The following TBCD variants were observed in gnomAD, a reference collection of about 807,000 sequenced individuals.
The protein encoded by TBCD is tubulin folding cofactor D.
A neutral mutation model predicts 169.3 loss-of-function variants in TBCD; 105 were observed. The observed-to-expected ratio is 0.62, with a 90% CI of 0.53 to 0.73. The LOEUF (loss-of-function observed/expected upper bound fraction) is 0.73. Ranked by LOEUF, TBCD falls within the 30% of genes least tolerant of loss-of-function variation. The pLI, the probability that TBCD is intolerant of heterozygous loss-of-function variation, is 0.00. For missense variants in TBCD, 1,444 were observed against 1,600.1 expected (o/e 0.90, Z 1.66); for synonymous variants, 700 against 643.9 (o/e 1.09, Z -1.32).
chr17:82,778,285 T>A (rs2048727358), intron 6 of TBCD, among the ~76,000 whole-genome samples: 1 of 152,218 alleles, frequency 6.6e-6, no homozygotes. Flanking sequence ...GCCCACAGTA[T>A]TCCGCTTTTC....
chr17:82,778,488 T>C (rs1413566742), intron 6 of TBCD, among the ~76,000 whole-genome samples: 2 of 152,210 alleles, frequency 1.3e-5, no homozygotes, highest in Non-Finnish European at 2.9e-5. Context: ...AGACAGGGTC[T>C]CACTCTGTTG....
chr17:82,801,893 T>A (rs1470739787), intron 9 of TBCD, among the ~76,000 whole-genome samples: 2 of 121,916 alleles, frequency 1.6e-5, no homozygotes, highest in East Asian at 2.4e-4. Flanking sequence ...TGGTTCGGAG[T>A]CAGCGTGGCA....
At chr17:82,904,837 G>C (rs1019294381) in intron 19 of TBCD, among the ~76,000 whole-genome samples, 3 of 152,160 alleles carry the variant, frequency 2.0e-5, no homozygotes, top group African/African-American at 2.4e-5. Context: ...CTACTTTTCA[G>C]TGATAATTAA....
At chr17:82,932,283 C>A (rs1365152746) in intron 33 of TBCD, 1 of 381,846 alleles carries the variant, frequency 2.6e-6, no homozygotes, top group Non-Finnish European at 4.9e-6. Context: ...GGCACAGGCA[C>A]CTTGACGCCC....
In TBCD at chr17:82,903,110, A is replaced by G. The variant is rs1310226287; in HGVS notation, c.1731-295A>G. Among the ~76,000 whole-genome samples the G allele has an allele frequency of 6.6e-6, 1 of 152,058 alleles. No homozygotes were observed. Among genetic ancestry groups the G allele is most frequent in the Non-Finnish European group, 1.5e-5 (1 of 68,010 alleles). On this transcript the variant is annotated intron_variant, in intron 18 of 38. Coordinates refer to ENST00000355528, the MANE Select transcript of TBCD (RefSeq NM_005993.5). This position sits in a 1 kb window ranked among gnomAD's most constrained non-coding sequence, Gnocchi z 4.8. ...CTCTATCTCACACTCACAACCTCAG[A>G]GTAGCGTGGGGGTGGGGAGGCCGGA...
intron 14 of TBCD, among the ~76,000 whole-genome samples, chr17:82,877,674 A>C (rs1002436539): frequency 3.3e-5 from 5 of 152,238 alleles, no homozygotes; most frequent in African/African-American, 1.2e-4. Flanking sequence ...AGAAGATCAC[A>C]TTCATATGTC....
At chr17:82,934,682 G>C (rs912869913) in intron 34 of TBCD, among the ~76,000 whole-genome samples, 2 of 152,038 alleles carry the variant, frequency 1.3e-5, no homozygotes, top group African/African-American at 4.8e-5. Flanking sequence ...ATGTTGGTCA[G>C]GCTGGTCTCG....
intron 14 of TBCD, among the ~76,000 whole-genome samples, chr17:82,870,687 C>G (rs1268682138): frequency 6.6e-6 from 1 of 152,182 alleles, no homozygotes; most frequent in Admixed American, 6.5e-5. Context: ...TCTTGGTCAC[C>G]CTGCAGGCAG....
chr17:82,871,475 C>A (rs1043051437), intron 14 of TBCD, among the ~76,000 whole-genome samples: 2 of 152,244 alleles, frequency 1.3e-5, no homozygotes, highest in Non-Finnish European at 2.9e-5. Flanking sequence ...CTTCACCTGA[C>A]AACTTTTACT....
chr17:82,849,977 TGTTGGCTGTGCTGC>T lies in TBCD; in HGVS notation c.1319-20246_1319-20233del, dbSNP rs1396098982. The stretch of plus-strand genomic sequence containing the variant: ...CCTGTGCTGCTGTTGGCTGTGCTGC[TGTTGGCTGTGCTGC>T]TGTTGGCTGTGCTGCTGTTGGCTGT... On this transcript the variant is annotated intron_variant, in intron 13 of 38. Coordinates refer to ENST00000355528, the MANE Select transcript of TBCD (RefSeq NM_005993.5). 7.6e-4 allele frequency among the ~76,000 whole-genome samples: 114 copies of T among 150,112 alleles called. 6 individuals carry two copies. Among genetic ancestry groups the T allele is most frequent in the African/African-American group, 2.6e-3 (105 of 40,520 alleles).
intron 26 of TBCD, among the ~76,000 whole-genome samples, chr17:82,924,551 C>T (rs972148462): frequency 1.3e-5 from 2 of 152,186 alleles, no homozygotes; most frequent in African/African-American, 2.4e-5. Flanking sequence ...TATGATAGAA[C>T]ATGCATTATT....
At chr17:82,857,684 T>C (rs1373403900) in intron 13 of TBCD, among the ~76,000 whole-genome samples, 1 of 152,008 alleles carries the variant, frequency 6.6e-6, no homozygotes, top group African/African-American at 2.4e-5. Context: ...GTCGGAGTGT[T>C]ATTACTTGGC....
At chr17:82,898,051 T>G (rs1369348706) in intron 17 of TBCD, among the ~76,000 whole-genome samples, 1 of 144,740 alleles carries the variant, frequency 6.9e-6, no homozygotes, top group East Asian at 2.0e-4. Context: ...TGGCTCTGGG[T>G]TTTGGTGTGA....
chr17:82,778,506 G>A (rs780246339), intron 6 of TBCD, among the ~76,000 whole-genome samples: 3 of 151,568 alleles, frequency 2.0e-5, no homozygotes, highest in African/African-American at 7.3e-5. Flanking sequence ...TTGCCCAGGC[G>A]CGAGTGCAGT....
intron 12 of TBCD, among the ~76,000 whole-genome samples, chr17:82,811,272 C>T (rs866812493): frequency 3.3e-5 from 5 of 152,218 alleles, no homozygotes; most frequent in African/African-American, 4.8e-5. Context: ...CTCCTCCAGC[C>T]GCTGGGCGGC....
rs761956054 is a variant in TBCD at position 82,917,023 on chromosome 17, TC to T, written c.2039-3532del. On this transcript the variant is annotated intron_variant, in intron 23 of 38. Transcript: ENST00000355528. The stretch of plus-strand genomic sequence containing the variant: ...TTGGACTTTTTTTTTTCTTTTCTTT[TC>T]TTTTTTTTTTTTTTGAGTTGGAGTC... Among the ~76,000 whole-genome samples the T allele has an allele frequency of 7.4e-4, 95 of 128,234 alleles. 12 individuals are homozygous for T. The South Asian group carries it at 9.1e-3, about 12-fold the overall frequency. The allele number at this position is 128,234 out of a possible 152,430, so 84.1% of individuals were successfully genotyped here.
intron 14 of TBCD, among the ~76,000 whole-genome samples, chr17:82,870,774 G>T (rs1032295108): frequency 1.4e-4 from 22 of 152,378 alleles, no homozygotes; most frequent in Middle Eastern, 3.4e-3. Flanking sequence ...TCGCCTGTGC[G>T]TGCTCCCTGC....
At chr17:82,766,617 A>G (rs1220703866) in intron 4 of TBCD, among the ~76,000 whole-genome samples, 2 of 152,250 alleles carry the variant, frequency 1.3e-5, no homozygotes, top group African/African-American at 4.8e-5. Context: ...TTAACAATAA[A>G]TCCGTCATTG....
At chr17:82,781,211 A>C (rs1054556811) in intron 6 of TBCD, among the ~76,000 whole-genome samples, 1 of 150,690 alleles carries the variant, frequency 6.6e-6, no homozygotes, top group Non-Finnish European at 1.5e-5. Flanking sequence ...TCCTGAGGTC[A>C]AGGGATGCAG....
Sources: gnomAD v4.1 joint callset for allele counts (sites outside exome capture counted in the v4.1 genomes callset) on GRCh38, gnomAD v4.1.1 for gene constraint, Gnocchi (gnomAD v3.1) non-coding constraint, MANE v1.5 for transcripts, NCBI Gene and HGNC (gene_info 2026-07-23, HGNC 2026-07-21) for gene names.